DNAI1: variants seen among roughly 807,000 people sequenced by gnomAD.
DNAI1 encodes dynein axonemal intermediate chain 1.
DNAI1 carries 67 observed loss-of-function variants against 92.0 expected under a neutral mutation model. The observed-to-expected ratio is 0.73, with a 90% confidence interval of 0.60 to 0.89. The LOEUF (loss-of-function observed/expected upper bound fraction) is 0.89, where lower values mean the gene tolerates loss of function less well. DNAI1 is among the 40% of genes least tolerant of loss of function. The pLI is 0.00. For missense variants in DNAI1, 839 were observed against 866.6 expected (o/e 0.97, Z 0.40); for synonymous variants, 323 against 319.6 (o/e 1.01, Z -0.11).
chr9:34,512,476 A>C, intron 15 of DNAI1, 52 bp downstream of exon 15: 1 of 1,524,220 alleles, frequency 6.6e-7, no homozygotes, highest in Non-Finnish European at 9.1e-7. Flanking sequence ...ATTCAGGCCC[A>C]GTGAGGGTCA....
rs1461447672 is a variant in DNAI1, at chr9:34,462,315, G to A, written c.48+3262G>A. Reference sequence around the variant, plus strand: ...AGCTTTTGAAATCTTTTCTGTCTGTGTCTACTAGTCTACTCCACCCTACCC... The same window carrying A: ...AGCTTTTGAAATCTTTTCTGTCTGTATCTACTAGTCTACTCCACCCTACCC... On this transcript the variant is annotated intron_variant, in intron 1 of 19. Coordinates refer to ENST00000242317, the MANE Select transcript of DNAI1 (RefSeq NM_012144.4). 2.0e-5 allele frequency among the ~76,000 whole-genome samples: 3 copies of A among 152,198 alleles called. No homozygotes were observed. The East Asian group carries it at 5.8e-4, about 29-fold the overall frequency.
intron 6 of DNAI1, 55 bp from the exon 7 acceptor site, chr9:34,490,314 G>A (rs1275274217): frequency 6.2e-7 from 1 of 1,613,910 alleles, no homozygotes. Context: ...CCATCTCCCG[G>A]TTTTCTACCA....
At chr9:34,471,026 A>G (rs761491258) in intron 1 of DNAI1, among the ~76,000 whole-genome samples, 2 of 152,224 alleles carry the variant, frequency 1.3e-5, no homozygotes, top group African/African-American at 2.4e-5. Flanking sequence ...CAAGAAAATC[A>G]TAAGGAAATT....
chr9:34,471,254 C>G (rs898863555), intron 1 of DNAI1, among the ~76,000 whole-genome samples: 9 of 150,386 alleles, frequency 6.0e-5, no homozygotes, highest in African/African-American at 2.0e-4. Context: ...TAGTGAGACC[C>G]CTTCTCTACC....
At position 34,497,312 on chromosome 9, in the gene DNAI1, A is replaced by G; in HGVS notation, c.901+113A>G. On this transcript the variant is annotated intron_variant, in intron 10 of 19. Transcript: ENST00000242317. ...GCTCCTATAGGTGCAAGCGGAGAAA[A>G]AATAATCCCTCTGTCCTCTGGATGT... The G allele has an allele frequency of 1.1e-5, 9 of 804,482 alleles. No homozygotes were observed. In the South Asian group the frequency reaches 1.2e-4, roughly 11 times the overall value. The allele number at this position is 804,482 out of a possible 1,614,324, so 49.8% of individuals were successfully genotyped here. A position where few individuals can be genotyped will look rare whatever the true frequency, so the allele number is the denominator to read the frequency against.
intron 13 of DNAI1, 49 bp downstream of exon 13, chr9:34,506,923 T>C: frequency 1.9e-6 from 3 of 1,592,438 alleles, no homozygotes; most frequent in Non-Finnish European, 2.6e-6. Context: ...CATGTGGGCC[T>C]GGAGCCACTG....
intron 1 of DNAI1, among the ~76,000 whole-genome samples, chr9:34,462,524 A>G (rs1823970050): frequency 6.6e-6 from 1 of 152,210 alleles, no homozygotes; most frequent in African/African-American, 2.4e-5. Flanking sequence ...ACCTAGCACA[A>G]TACCTGGAAT....
intron 1 of DNAI1, among the ~76,000 whole-genome samples, chr9:34,479,737 G>A (rs543268126): frequency 1.3e-5 from 2 of 152,202 alleles, no homozygotes; most frequent in East Asian, 3.9e-4. Context: ...GTAGCTCTCT[G>A]GCTCGTGTGG....
intron 13 of DNAI1, among the ~76,000 whole-genome samples, chr9:34,509,982 G>A (rs1264166837): frequency 6.6e-6 from 1 of 152,226 alleles, no homozygotes; most frequent in African/African-American, 2.4e-5. Context: ...CCAGAGGGAG[G>A]CATCCTCCAG....
intron 18 of DNAI1, among the ~76,000 whole-genome samples, chr9:34,515,030 G>C (rs946103105): frequency 1.3e-5 from 2 of 152,202 alleles, no homozygotes; most frequent in Non-Finnish European, 1.5e-5. Context: ...TGGAGAGCTA[G>C]AGGGTGGCAG....
At chr9:34,520,386 T>C (rs1252912304) in intron 19 of DNAI1, among the ~76,000 whole-genome samples, 1 of 152,122 alleles carries the variant, frequency 6.6e-6, no homozygotes, top group Admixed American at 6.5e-5. Flanking sequence ...ATGGATGCCT[T>C]TTCCCACTCC....
rs1361020546 is a variant in DNAI1 at position 34,512,318 on chromosome 9, C to T, written c.1402-19C>T. ...ACCCACGTGCCCTCCCCCCCACATC[C>T]CTCTGTCTGTGGCTACAGAGAAAGC... On this transcript the variant is annotated intron_variant, in intron 14 of 19. Coordinates refer to ENST00000242317, the MANE Select transcript of DNAI1 (RefSeq NM_012144.4). 6.2e-7 allele frequency: 1 copy of T among 1,613,940 alleles called. No individual in the cohort carries two copies. Among genetic ancestry groups the T allele is most frequent in the South Asian group, 1.1e-5 (1 of 91,066 alleles).
rs547650199 is a variant in DNAI1 at position 34,513,991 on chromosome 9, T to A, written c.1570-403T>A. 1.2e-4 allele frequency among the ~76,000 whole-genome samples: 18 copies of A among 152,352 alleles called. No homozygotes were observed. In the South Asian group the frequency reaches 3.7e-3, roughly 32 times the overall value. ...TTATCACTGTTGCAAGGATGATGTC[T>A]GGGCTGCAGGTGGAACCAGGGCTCT... On this transcript the variant is annotated intron_variant, in intron 16 of 19. Transcript: ENST00000242317.
At chr9:34,480,559 G>A (rs911474556) in intron 1 of DNAI1, among the ~76,000 whole-genome samples, 7 of 152,070 alleles carry the variant, frequency 4.6e-5, no homozygotes, top group Admixed American at 2.0e-4. Context: ...GAGCCACCGC[G>A]CCTGGCCAAC....
intron 12 of DNAI1, among the ~76,000 whole-genome samples, chr9:34,502,139 C>T (rs1824844208): frequency 6.6e-6 from 1 of 152,196 alleles, no homozygotes; most frequent in African/African-American, 2.4e-5. Context: ...GACTGCCTGT[C>T]CACCCATTCT....
In DNAI1 at chr9:34,483,342, C is replaced by A. The variant is rs542101174; in HGVS notation, c.49-106C>A. The A allele has an allele frequency of 4.7e-5, 55 of 1,160,908 alleles. 1 individual carries two copies. The East Asian group carries it at 1.4e-3, about 29-fold the overall frequency. The allele number at this position is 1,160,908 out of a possible 1,614,324, so 71.9% of individuals were successfully genotyped here. A position where few individuals can be genotyped will look rare whatever the true frequency, so the allele number is the denominator to read the frequency against. On this transcript the variant is annotated intron_variant, in intron 1 of 19. Coordinates refer to ENST00000242317, the MANE Select transcript of DNAI1 (RefSeq NM_012144.4). ...ACTGCCAGCACGCTGTCACCTCTCA[C>A]TTTGACTGTGAGATCCCTGGGCAGG... is the stretch of plus-strand genomic sequence containing the variant.
In DNAI1 at chr9:34,517,379, A is replaced by G. The variant is rs201773877; in HGVS notation, c.1913A>G (p.Asn638Ser). The change falls in exon 19 of 20, where the codon AAT becomes AGT. Residue 638 changes from asparagine to serine, a missense_variant. Asn to Ser is a conservative substitution (Grantham distance 46). Coordinates refer to ENST00000242317, the MANE Select transcript of DNAI1 (RefSeq NM_012144.4). The part of the protein sequence containing the change: ...KKNRLTHVQF[N>S]LIHPIIIVGD... ...AACAGGCTCACCCACGTGCAGTTCA[A>G]TCTCATCCACCCCATCATCATTGTG... is the stretch of plus-strand genomic sequence containing the variant. 133 of 1,614,062 alleles carry G rather than the reference A, an allele frequency of 8.2e-5. No individual in the cohort carries two copies. Among genetic ancestry groups the G allele is most frequent in the Non-Finnish European group, 1.0e-4 (121 of 1,180,032 alleles).
rs747512649 is a variant in DNAI1, at chr9:34,493,327, A to G, written c.815A>G (p.Gln272Arg). ...AGGAAGCTGACATCTATGGAGTCTC[A>G]GGTTTGGTGTTAGTTCCTACAGCTC... ...AMRKLTSMES[Q>R]TDDLIKLSQA... The change falls in exon 9 of 20, where the codon CAG (glutamine) becomes CGG (arginine). Residue 272 changes from glutamine to arginine, a missense_variant and splice_region_variant. Transcript: ENST00000242317. 1.2e-6 allele frequency: 2 copies of G among 1,613,968 alleles called. No individual in the cohort carries two copies. The highest frequency in any genetic ancestry group is 2.7e-5 in the African/African-American group (2 of 74,936).
intron 1 of DNAI1, among the ~76,000 whole-genome samples, chr9:34,470,712 T>C (rs1455300973): frequency 6.6e-6 from 1 of 152,228 alleles, no homozygotes; most frequent in African/African-American, 2.4e-5. Context: ...AACAGTGCTG[T>C]TAACCAACTT....
Sources: gnomAD v4.1 joint callset for allele counts (sites outside exome capture counted in the v4.1 genomes callset) on GRCh38, gnomAD v4.1.1 for gene constraint, MANE v1.5 for transcripts, NCBI Gene and HGNC (gene_info 2026-07-23, HGNC 2026-07-21) for gene names.